MSRB3: variants seen among roughly 807,000 people sequenced by gnomAD.
MSRB3 encodes methionine sulfoxide reductase B3, also known as methionine-R-sulfoxide reductase B3.
MSRB3 carries 13 observed loss-of-function variants against 21.0 expected under a neutral mutation model. The observed-to-expected ratio is 0.62, with a 90% CI of 0.40 to 0.98. The LOEUF is 0.98. Ranked by LOEUF, MSRB3 falls within the 50% of genes least tolerant of loss-of-function variation. The pLI, the probability that MSRB3 is intolerant of heterozygous loss-of-function variation, is 0.00. For synonymous variants in MSRB3, 87 were observed against 88.6 expected (o/e 0.98, Z 0.10); for missense variants, 199 against 230.3 (o/e 0.86, Z 0.88).
chr12:65,385,111 A>G (rs1879141449), intron 5 of MSRB3, among the ~76,000 whole-genome samples: 1 of 152,158 alleles, frequency 6.6e-6, no homozygotes, highest in Non-Finnish European at 1.5e-5. Flanking sequence ...CAGCAAATAG[A>G]AGGAAGTCTG....
intron 1 of MSRB3, among the ~76,000 whole-genome samples, chr12:65,296,697 G>A (rs1296675531): frequency 6.6e-6 from 1 of 152,160 alleles, no homozygotes; most frequent in East Asian, 1.9e-4. Flanking sequence ...AGGAAAACAG[G>A]AAGTGCCATT....
chr12:65,292,748 C>G (rs1011902410), intron 1 of MSRB3, among the ~76,000 whole-genome samples: 28 of 151,984 alleles, frequency 1.8e-4, no homozygotes, highest in African/African-American at 6.8e-4. Flanking sequence ...AAGAGTGTAG[C>G]TCATTGAAGA....
At chr12:65,439,559 T>C (rs991420911) in intron 5 of MSRB3, among the ~76,000 whole-genome samples, 3 of 151,618 alleles carry the variant, frequency 2.0e-5, no homozygotes, top group Middle Eastern at 3.3e-3. Context: ...TTTTAGAAAG[T>C]AGAGATTTCG....
chr12:65,291,716 T>A, intron 1 of MSRB3, among the ~76,000 whole-genome samples: 1 of 152,170 alleles, frequency 6.6e-6, no homozygotes, highest in Middle Eastern at 3.4e-3. Context: ...CAGCATGGCA[T>A]GTTGTAGAAA....
chr12:65,447,557 A>G (rs1882676812), intron 5 of MSRB3, among the ~76,000 whole-genome samples: 1 of 152,250 alleles, frequency 6.6e-6, no homozygotes, highest in Admixed American at 6.5e-5. Context: ...TGTCATTTAT[A>G]TAAAATTCTG....
intron 5 of MSRB3, among the ~76,000 whole-genome samples, chr12:65,406,160 G>A (rs868235592): frequency 1.6e-4 from 24 of 152,092 alleles, no homozygotes; most frequent in African/African-American, 5.5e-4. Context: ...AAGTGTCATC[G>A]AGCTTTCTCT....
chr12:65,420,925 G>C (rs972002371), intron 5 of MSRB3, among the ~76,000 whole-genome samples: 2 of 152,178 alleles, frequency 1.3e-5, no homozygotes, highest in African/African-American at 4.8e-5. Context: ...GTGCTGCAGT[G>C]AACATTAGTG....
At chr12:65,311,687 T>A (rs569220899) in intron 2 of MSRB3, among the ~76,000 whole-genome samples, 7 of 152,104 alleles carry the variant, frequency 4.6e-5, no homozygotes, top group African/African-American at 1.4e-4. Context: ...ATGTTGCTGG[T>A]CAAAACCCAT....
chr12:65,428,605 C>T (rs1030511246), intron 5 of MSRB3, among the ~76,000 whole-genome samples: 11 of 152,076 alleles, frequency 7.2e-5, no homozygotes, highest in African/African-American at 1.2e-4. Context: ...AACAGGAGTA[C>T]GACATTATTG....
intron 4 of MSRB3, among the ~76,000 whole-genome samples, chr12:65,341,414 A>T (rs1288649920): frequency 6.6e-6 from 1 of 152,006 alleles, no homozygotes; most frequent in Non-Finnish European, 1.5e-5. Flanking sequence ...AGGCTGGAAC[A>T]GTTGGGGGGA....
At chr12:65,455,138 C>A (rs1035595091) in intron 6 of MSRB3, among the ~76,000 whole-genome samples, 2 of 151,944 alleles carry the variant, frequency 1.3e-5, no homozygotes, top group East Asian at 3.9e-4. Flanking sequence ...TTTCTTTAAC[C>A]CCCTCCACCA....
intron 5 of MSRB3, among the ~76,000 whole-genome samples, chr12:65,426,200 A>G (rs1266202357): frequency 6.6e-6 from 1 of 152,030 alleles, no homozygotes; most frequent in Non-Finnish European, 1.5e-5. Flanking sequence ...TCTGTTTTTT[A>G]AGTTTAAAGT....
At chr12:65,306,995 G>A in intron 1 of MSRB3, 8 of 985,892 alleles carry the variant, frequency 8.1e-6, no homozygotes, top group Non-Finnish European at 8.4e-6. Flanking sequence ...ATGGTCAGCT[G>A]TGGAAGCACA....
chr12:65,303,020 C>A (rs1873431153), intron 1 of MSRB3, among the ~76,000 whole-genome samples: 1 of 95,988 alleles, frequency 1.0e-5, no homozygotes, highest in Non-Finnish European at 2.0e-5. Context: ...GGGCTTTGAG[C>A]CTTTTTTTTT....
At chr12:65,422,561 T>C (rs1336570261) in intron 5 of MSRB3, among the ~76,000 whole-genome samples, 1 of 151,122 alleles carries the variant, frequency 6.6e-6, no homozygotes, top group Non-Finnish European at 1.5e-5. Flanking sequence ...AATCCAATTA[T>C]ACCCTTTTAG....
chr12:65,324,184 A>G (rs1409027110), intron 2 of MSRB3, among the ~76,000 whole-genome samples: 1 of 152,218 alleles, frequency 6.6e-6, no homozygotes, highest in Non-Finnish European at 1.5e-5. Flanking sequence ...AATTTGGAAG[A>G]TGACCTTTAA....
chr12:65,308,924 C>T (rs1054505377), intron 2 of MSRB3: 1 of 509,674 alleles, frequency 2.0e-6, no homozygotes, highest in Non-Finnish European at 3.5e-6. Context: ...TTAATGCACA[C>T]TACACATCTG....
At chr12:65,456,764 G>A (rs930530490) in intron 6 of MSRB3, among the ~76,000 whole-genome samples, 3 of 152,198 alleles carry the variant, frequency 2.0e-5, no homozygotes, top group Non-Finnish European at 4.4e-5. Context: ...GAAAATACAC[G>A]CTTTGGAGTA....
At chr12:65,398,799 G>A (rs1314679734) in intron 5 of MSRB3, among the ~76,000 whole-genome samples, 1 of 152,134 alleles carries the variant, frequency 6.6e-6, no homozygotes, top group Non-Finnish European at 1.5e-5. Flanking sequence ...GTGTAAGGAA[G>A]GGTTCGGTTT....
Sources: gnomAD v4.1 joint callset for allele counts (sites outside exome capture counted in the v4.1 genomes callset) on GRCh38, gnomAD v4.1.1 for gene constraint, MANE v1.5 for transcripts, NCBI Gene and HGNC (gene_info 2026-07-23, HGNC 2026-07-21) for gene names.